PEX5L: variants seen among roughly 807,000 people sequenced by gnomAD.
PEX5L encodes the protein peroxisomal biogenesis factor 5 like.
In PEX5L, 30 loss-of-function variants were observed where a neutral mutation model predicts 84.0. The ratio of observed to expected loss-of-function variants is 0.36; its 90% CI spans 0.27 to 0.48. The LOEUF (loss-of-function observed/expected upper bound fraction) is 0.48, where lower values mean the gene tolerates loss of function less well. Ranked by LOEUF, PEX5L falls within the 20% of genes least tolerant of loss-of-function variation. The pLI is 0.99. For missense variants in PEX5L, 533 were observed against 754.6 expected (o/e 0.71, Z 3.44); for synonymous variants, 270 against 283.1 (o/e 0.95, Z 0.46).
intron 14 of PEX5L, 90 bp downstream of exon 14, chr3:179,807,584 G>A (rs1560165010): frequency 1.0e-5 from 13 of 1,240,122 alleles, no homozygotes; most frequent in Non-Finnish European, 1.4e-5. Flanking sequence ...TCCTACCAAG[G>A]CAGGCATTTT....
At chr3:180,009,416 T>A (rs1289328368) in intron 1 of PEX5L, among the ~76,000 whole-genome samples, 3 of 152,144 alleles carry the variant, frequency 2.0e-5, no homozygotes, top group Non-Finnish European at 2.9e-5. Flanking sequence ...ATATTCAGAC[T>A]TCCTCCAAAA....
At chr3:179,923,208 C>G (rs945570158) in intron 2 of PEX5L, among the ~76,000 whole-genome samples, 21 of 147,124 alleles carry the variant, frequency 1.4e-4, no homozygotes, top group Non-Finnish European at 2.7e-4. Context: ...GGAGAATGGC[C>G]TGAACCCGGG....
At chr3:179,955,094 T>C (rs2110018371) in intron 2 of PEX5L, among the ~76,000 whole-genome samples, 1 of 152,188 alleles carries the variant, frequency 6.6e-6, no homozygotes, top group East Asian at 1.9e-4. Context: ...GAACTTTAAA[T>C]CTGACACATA....
At chr3:179,923,094 C>A (rs1284555890) in intron 2 of PEX5L, among the ~76,000 whole-genome samples, 1 of 151,586 alleles carries the variant, frequency 6.6e-6, no homozygotes, top group Non-Finnish European at 1.5e-5. Flanking sequence ...TCAAGACCAT[C>A]CTGGCTAACA....
intron 1 of PEX5L, among the ~76,000 whole-genome samples, chr3:179,993,380 A>G (rs1787563606): frequency 6.6e-6 from 1 of 152,194 alleles, no homozygotes; most frequent in Non-Finnish European, 1.5e-5. Flanking sequence ...CTTGGTATCC[A>G]TGGAAAATTG....
At chr3:179,915,921 CAA>C (rs1186261733) in intron 2 of PEX5L, among the ~76,000 whole-genome samples, 1 of 152,186 alleles carries the variant, frequency 6.6e-6, no homozygotes, top group East Asian at 1.9e-4. Flanking sequence ...CAGCATGTTA[CAA>C]AGTTTCCAGT....
chr3:179,976,194 T>C (rs1282327931), intron 1 of PEX5L, among the ~76,000 whole-genome samples: 1 of 152,162 alleles, frequency 6.6e-6, no homozygotes, highest in Non-Finnish European at 1.5e-5. Context: ...AGGTGGCGAA[T>C]TAGTGGAATA....
At chr3:180,015,363 A>C (rs1789854776) in intron 1 of PEX5L, among the ~76,000 whole-genome samples, 1 of 152,170 alleles carries the variant, frequency 6.6e-6, no homozygotes, top group South Asian at 2.1e-4. Context: ...CCAAATTTTA[A>C]TTATATTTTA....
rs189510148 is a variant in PEX5L, at chr3:179,956,643, G to T, written c.93+14951C>A. Among the ~76,000 whole-genome samples, 20 of 152,262 alleles carry T rather than the reference G, an allele frequency of 1.3e-4. 1 individual carries two copies. The East Asian group carries it at 3.7e-3, about 28-fold the overall frequency. ...TTTCTCAGCTAACTTAAAAATTCAT[G>T]CAAACTGAATTTATGCAAATCCGTG... is the stretch of plus-strand genomic sequence containing the variant. On this transcript the variant is annotated intron_variant, in intron 2 of 14. Transcript: ENST00000467460.
intron 2 of PEX5L, among the ~76,000 whole-genome samples, chr3:179,905,541 G>A (rs1055756809): frequency 1.2e-4 from 19 of 152,240 alleles, no homozygotes; most frequent in Admixed American, 9.2e-4. Flanking sequence ...TTACAGGCGT[G>A]AGCCACCGCG....
intron 1 of PEX5L, among the ~76,000 whole-genome samples, chr3:179,995,072 CATAG>C (rs1787746026): frequency 6.8e-6 from 1 of 146,120 alleles, no homozygotes; most frequent in African/African-American, 2.5e-5. Flanking sequence ...ATATATATAG[CATAG>C]AGAGTATATA....
intron 5 of PEX5L, among the ~76,000 whole-genome samples, 177 bp downstream of exon 5, chr3:179,879,752 G>A (rs968362041): frequency 6.6e-6 from 1 of 152,190 alleles, no homozygotes; most frequent in Non-Finnish European, 1.5e-5. Flanking sequence ...GCAAAGTTGA[G>A]CTCCCCAATT....
intron 2 of PEX5L, among the ~76,000 whole-genome samples, chr3:179,965,434 T>C (rs9811817): frequency 0.76 from 115,423 of 152,092 alleles, 44,092 homozygotes; most frequent in East Asian, 0.96. Flanking sequence ...GATGAAAAAA[T>C]GTAAACTCAG....
At chr3:179,826,957 G>C (rs1730722030) in intron 8 of PEX5L, among the ~76,000 whole-genome samples, 1 of 152,154 alleles carries the variant, frequency 6.6e-6, no homozygotes, top group Admixed American at 6.5e-5. Flanking sequence ...AAAAATAGTG[G>C]TAACTGTAAT....
At chr3:179,945,480 G>A (rs1267348406) in intron 2 of PEX5L, among the ~76,000 whole-genome samples, 1 of 152,072 alleles carries the variant, frequency 6.6e-6, no homozygotes, top group East Asian at 1.9e-4. Context: ...CAGGTTAATG[G>A]CATCTACCAC....
intron 1 of PEX5L, among the ~76,000 whole-genome samples, chr3:180,031,322 C>T (rs779757125): frequency 6.6e-6 from 1 of 151,908 alleles, no homozygotes; most frequent in Non-Finnish European, 1.5e-5. Context: ...GGTATCCCTA[C>T]TAAAGGGGAT....
At chr3:179,848,598 C>T (rs534242994) in intron 8 of PEX5L, among the ~76,000 whole-genome samples, 8 of 151,074 alleles carry the variant, frequency 5.3e-5, no homozygotes, top group African/African-American at 1.5e-4. Context: ...CAACTTCTCT[C>T]GACAGTAAAA....
chr3:180,015,503 T>C (rs1789864906), intron 1 of PEX5L, among the ~76,000 whole-genome samples: 1 of 152,200 alleles, frequency 6.6e-6, no homozygotes, highest in Non-Finnish European at 1.5e-5. Context: ...ATAATTGTCT[T>C]ACATGGTGAG....
chr3:179,990,199 TCC>T (rs1787250897), intron 1 of PEX5L, among the ~76,000 whole-genome samples: 1 of 152,212 alleles, frequency 6.6e-6, no homozygotes, highest in South Asian at 2.1e-4. Flanking sequence ...TGTCTTCCAG[TCC>T]CACTATTCTA....
Sources: allele counts gnomAD v4.1 joint callset (sites outside exome capture counted in the v4.1 genomes callset), GRCh38; gene constraint gnomAD v4.1.1; transcripts MANE v1.5; gene names NCBI Gene and HGNC (gene_info 2026-07-23, HGNC 2026-07-21).